The following PTGER4 variants were observed in gnomAD, a reference collection of about 807,000 sequenced individuals.
PTGER4 encodes the protein prostaglandin E2 receptor EP4 subtype.
PTGER4 carries 11 observed loss-of-function variants against 33.2 expected under a neutral mutation model. The observed-to-expected ratio is 0.33, with a 90% CI of 0.21 to 0.55. The LOEUF (loss-of-function observed/expected upper bound fraction) is 0.55, where lower values mean the gene tolerates loss of function less well. Ranked by LOEUF, PTGER4 falls within the 20% of genes least tolerant of loss-of-function variation. PTGER4 has a pLI of 0.92. For synonymous variants in PTGER4, 275 were observed against 281.5 expected (o/e 0.98, Z 0.23); for missense variants, 481 against 650.2 (o/e 0.74, Z 2.83).
At chr5:40,732,887 C>T in the PTGER4 span, among the ~76,000 whole-genome samples, 1 of 152,162 alleles carries the variant, frequency 6.6e-6, no homozygotes, top group Non-Finnish European at 1.5e-5. Flanking sequence ...GGATTATAGG[C>T]ATGAGCCACC....
In PTGER4 at chr5:40,692,297, G is replaced by A. The variant is rs775684644; in HGVS notation, c.1386G>A (p.Arg462=). 2.5e-6 allele frequency: 4 copies of A among 1,613,872 alleles called. No individual in the cohort carries two copies. Among genetic ancestry groups the A allele is most frequent in the Non-Finnish European group, 3.4e-6 (4 of 1,179,958 alleles). Residue 462 remains arginine (R), a synonymous_variant, in exon 3 of 3, where the codon AGG becomes AGA. Transcript: ENST00000302472. The part of the protein sequence containing the change: ...LLVDEAGGSG[R]AGPAPKGSSL... Reference sequence around the variant, plus strand: ...TGGATGAGGCTGGTGGGAGCGGCAGGGCTGGGCCTGCCCCTAAGGGGAGCT... The same window carrying A: ...TGGATGAGGCTGGTGGGAGCGGCAGAGCTGGGCCTGCCCCTAAGGGGAGCT...
chr5:40,685,047 A>G (rs1290986777), intron 2 of PTGER4, among the ~76,000 whole-genome samples: 2 of 152,206 alleles, frequency 1.3e-5, no homozygotes, highest in Non-Finnish European at 2.9e-5. Context: ...ATTATAATCA[A>G]ATATTTTGCC....
the PTGER4 span, among the ~76,000 whole-genome samples, chr5:40,729,309 G>A: frequency 1.3e-5 from 2 of 152,130 alleles, no homozygotes; most frequent in Non-Finnish European, 2.9e-5. Flanking sequence ...TTGAGATCAC[G>A]ATTTGAAAAA....
the PTGER4 span, among the ~76,000 whole-genome samples, chr5:40,721,553 C>T: frequency 3.9e-5 from 6 of 152,102 alleles, no homozygotes; most frequent in Admixed American, 6.5e-5. Context: ...CGGATATCCG[C>T]GTGCAAAAGA....
At chr5:40,695,441 CTGAG>C (rs112195029), downstream of PTGER4, among the ~76,000 whole-genome samples, 104,308 of 151,596 alleles carry the variant, frequency 0.69, 35,914 homozygotes, top group East Asian at 0.8. Flanking sequence ...ACTTGGGAGG[CTGAG>C]TGAGGCAGGA....
At chr5:40,719,212 C>T in the PTGER4 span, among the ~76,000 whole-genome samples, 7 of 152,152 alleles carry the variant, frequency 4.6e-5, no homozygotes, top group African/African-American at 1.7e-4. Context: ...CTGGCAGTTA[C>T]TCCTCATTTC....
At chr5:40,697,268 AAGAAAGAAAGAAAGAAAGAAAG>A (rs1741631605), downstream of PTGER4, among the ~76,000 whole-genome samples, 1 of 125,452 alleles carries the variant, frequency 8.0e-6, no homozygotes, top group Admixed American at 9.1e-5. Flanking sequence ...GAAAGAAAGA[AAGAAAGAAAGAAAGAAAGAAAG>A]AAAGAAAAAG....
Position 40,692,451 on chromosome 5 carries a change from C to T in PTGER4, c.*73C>T. ...CTGTGCAATAGACACATACATGTCA[C>T]ATTTAGCTGTGCTCAGAAGGGCTAT... On this transcript the variant is annotated 3_prime_UTR_variant, in exon 3 of 3. Transcript: ENST00000302472. 4.0e-6 allele frequency: 6 copies of T among 1,504,714 alleles called. No individual in the cohort carries two copies. Among genetic ancestry groups the T allele is most frequent in the East Asian group, 2.3e-5 (1 of 43,958 alleles). 93.2% of individuals were successfully genotyped at this position (1,504,714 alleles called of 1,614,324 possible).
At chr5:40,697,793 A>G (rs1359742545), downstream of PTGER4, among the ~76,000 whole-genome samples, 2 of 151,882 alleles carry the variant, frequency 1.3e-5, no homozygotes, top group African/African-American at 4.8e-5. Context: ...ATAATATACA[A>G]GGTGAACTAA....
the PTGER4 span, among the ~76,000 whole-genome samples, chr5:40,731,526 A>G: frequency 9.8e-5 from 15 of 152,316 alleles, no homozygotes; most frequent in African/African-American, 3.1e-4. Flanking sequence ...AAGCAAACAC[A>G]TCCTTCTTCA....
At chr5:40,697,027 CAAAG>C (rs1331961292), downstream of PTGER4, among the ~76,000 whole-genome samples, 3 of 80,794 alleles carry the variant, frequency 3.7e-5, no homozygotes, top group Non-Finnish European at 7.6e-5. Flanking sequence ...AAAGAGAAAA[CAAAG>C]AAGGAAAGAA....
chr5:40,687,767 A>T (rs979519966), intron 2 of PTGER4, among the ~76,000 whole-genome samples: 12 of 152,258 alleles, frequency 7.9e-5, no homozygotes, highest in African/African-American at 2.9e-4. Context: ...TGCTTTTTAA[A>T]CTCATACTTT....
chr5:40,740,811 C>T, the PTGER4 span, among the ~76,000 whole-genome samples: 4 of 152,194 alleles, frequency 2.6e-5, no homozygotes, highest in African/African-American at 9.7e-5. Context: ...AGTGATTCCC[C>T]TAATGAAATC....
At chr5:40,696,659 A>G (rs1579653836), downstream of PTGER4, 1 of 984,530 alleles carries the variant, frequency 1.0e-6, no homozygotes, top group Admixed American at 6.2e-5. Context: ...CAGGCCATCA[A>G]CCCCATTTCC....
chr5:40,716,882 C>T, the PTGER4 span, among the ~76,000 whole-genome samples: 1 of 152,164 alleles, frequency 6.6e-6, no homozygotes, highest in Non-Finnish European at 1.5e-5. Flanking sequence ...CAGTTTAGAT[C>T]CTAACAATGT....
At chr5:40,682,502 A>T (rs963050337) in intron 2 of PTGER4, among the ~76,000 whole-genome samples, 2 of 152,178 alleles carry the variant, frequency 1.3e-5, no homozygotes, top group African/African-American at 4.8e-5. Context: ...CCTGCTCTTT[A>T]CCATGGTGTG....
chr5:40,712,267 T>C, the PTGER4 span, among the ~76,000 whole-genome samples: 5 of 152,018 alleles, frequency 3.3e-5, no homozygotes, highest in Non-Finnish European at 5.9e-5. Context: ...GAATTTCCAT[T>C]ATTTAAAAAA....
At chr5:40,704,546 T>A in the PTGER4 span, among the ~76,000 whole-genome samples, 2 of 152,098 alleles carry the variant, frequency 1.3e-5, no homozygotes, top group African/African-American at 4.8e-5. Flanking sequence ...AATCAAACTA[T>A]CTCTGTTTGC....
At chr5:40,722,588 A>G in the PTGER4 span, among the ~76,000 whole-genome samples, 1 of 146,554 alleles carries the variant, frequency 6.8e-6, no homozygotes, top group East Asian at 2.0e-4. Context: ...AGCGTCTCTG[A>G]CCGGCCGCCC....
Sources: gnomAD v4.1 joint callset for allele counts (sites outside exome capture counted in the v4.1 genomes callset) on GRCh38, gnomAD v4.1.1 for gene constraint, MANE v1.5 for transcripts, NCBI Gene and HGNC (gene_info 2026-07-23, HGNC 2026-07-21) for gene names.